THEM6: variants seen among roughly 807,000 people sequenced by gnomAD.
THEM6 encodes protein THEM6.
Under a neutral mutation model 13.7 loss-of-function variants are expected in THEM6, and 10 were observed. That is an observed-to-expected ratio of 0.73 (90% CI 0.45 to 1.24). The LOEUF (loss-of-function observed/expected upper bound fraction) is 1.24, where lower values mean the gene tolerates loss of function less well. THEM6 is among the 50% of genes most tolerant of loss of function. The pLI, the probability that THEM6 is intolerant of heterozygous loss-of-function variation, is 0.00. For missense variants in THEM6, 317 were observed against 312.6 expected (o/e 1.01, Z -0.11); for synonymous variants, 161 against 156.0 (o/e 1.03, Z -0.24).
Position 142,727,556 on chromosome 8 carries a change from C to T in THEM6, c.210C>T (p.Tyr70=). 6.4e-7 allele frequency: 1 copy of T among 1,554,562 alleles called. No individual in the cohort carries two copies. Among genetic ancestry groups the T allele is most frequent in the South Asian group, 1.2e-5 (1 of 85,618 alleles). The stretch of plus-strand genomic sequence containing the variant: ...TGCTGCACATGAACAACGCGCGCTA[C>T]CTGCGCGAGGCCGACTTTGCGCGCG... ...DLLLHMNNAR[Y]LREADFARVA... The change falls in exon 1 of 2, where the codon TAC becomes TAT. Residue 70 remains tyrosine (Y), a synonymous_variant. Transcript: ENST00000336138.
In THEM6 at chr8:142,727,672, G is replaced by A; in HGVS notation, c.326G>A (p.Arg109His). 2 of 1,432,532 alleles carry A rather than the reference G, an allele frequency of 1.4e-6. No individual in the cohort carries two copies. The highest frequency in any genetic ancestry group is 1.8e-6 in the Non-Finnish European group (2 of 1,105,068). 88.7% of individuals were successfully genotyped at this position (1,432,532 alleles called of 1,614,324 possible). ...GCGGCCTCGTGCGCGCGCCACCGCC[G>A]CTCGCTGCGCCTGCTGGAGCCCTTC... Reference protein sequence around the residue: ...VLAASCARHRRSLRLLEPFEV... With the variant: ...VLAASCARHRHSLRLLEPFEV... Residue 109 changes from arginine to histidine, a missense_variant, in exon 1 of 2, where the codon CGC becomes CAC. Coordinates refer to ENST00000336138, the MANE Select transcript of THEM6 (RefSeq NM_016647.3).
intron 1 of THEM6, among the ~76,000 whole-genome samples, chr8:142,731,235 AAT>A (rs1221198251): frequency 6.6e-6 from 1 of 152,218 alleles, no homozygotes; most frequent in Non-Finnish European, 1.5e-5. Context: ...AGCTTTAGCC[AAT>A]ATGTTTACAC....
intron 1 of THEM6, among the ~76,000 whole-genome samples, chr8:142,729,479 T>C (rs782516529): frequency 1.3e-5 from 2 of 152,206 alleles, no homozygotes; most frequent in Non-Finnish European, 2.9e-5. Context: ...TGATACTCTC[T>C]CGATGGCTAA....
At chr8:142,728,104 C>T (rs1815554838) in intron 1 of THEM6, among the ~76,000 whole-genome samples, 1 of 152,200 alleles carries the variant, frequency 6.6e-6, no homozygotes, top group South Asian at 2.1e-4. Context: ...GCTTAGCGTG[C>T]TTCCCTCCTG....
intron 1 of THEM6, among the ~76,000 whole-genome samples, chr8:142,729,557 G>T (rs782447957): frequency 6.6e-6 from 1 of 152,120 alleles, no homozygotes; most frequent in South Asian, 2.1e-4. Context: ...AGAAGCAACC[G>T]GTGTGAGATC....
intron 1 of THEM6, among the ~76,000 whole-genome samples, chr8:142,732,206 ATT>A (rs59397260): frequency 0.03 from 2,871 of 94,474 alleles, 171 homozygotes; most frequent in East Asian, 0.074. Flanking sequence ...ATATATATAT[ATT>A]TTAACTACTG....
At chr8:142,730,325 G>A (rs1431696857) in intron 1 of THEM6, among the ~76,000 whole-genome samples, 6 of 151,908 alleles carry the variant, frequency 3.9e-5, no homozygotes, top group Non-Finnish European at 7.4e-5. Flanking sequence ...CTTTTGATGA[G>A]GACGTGGTTT....
At chr8:142,730,649 A>C (rs1242327516) in intron 1 of THEM6, among the ~76,000 whole-genome samples, 1 of 152,006 alleles carries the variant, frequency 6.6e-6, no homozygotes, top group Non-Finnish European at 1.5e-5. Context: ...GCTAAACACC[A>C]TTTTATATTT....
Position 142,727,225 on chromosome 8 carries a change from T to G in THEM6, c.-122T>G. 1 of 1,070,026 alleles carries G rather than the reference T, an allele frequency of 9.3e-7. No individual in the cohort carries two copies. Among genetic ancestry groups the G allele is most frequent in the Non-Finnish European group, 1.2e-6 (1 of 807,192 alleles). 66.3% of individuals were successfully genotyped at this position (1,070,026 alleles called of 1,614,324 possible). On this transcript the variant is annotated 5_prime_UTR_variant, in exon 1 of 2. Coordinates refer to ENST00000336138, the MANE Select transcript of THEM6 (RefSeq NM_016647.3). ...CCCCTCGGCCGCCCTCGCGCTGTGG[T>G]TCGCTCCGGGCGCGCTGCGCTCGTG...
At chr8:142,730,046 G>A (rs1244332172) in intron 1 of THEM6, among the ~76,000 whole-genome samples, 3 of 152,174 alleles carry the variant, frequency 2.0e-5, no homozygotes, top group African/African-American at 7.2e-5. Flanking sequence ...CATTCAAGGC[G>A]GTGGTCTGAG....
In THEM6 at chr8:142,736,630, T is replaced by C. The variant is rs1815776268; in HGVS notation, c.*1191T>C. On this transcript the variant is annotated 3_prime_UTR_variant, in exon 2 of 2. Coordinates refer to ENST00000336138, the MANE Select transcript of THEM6 (RefSeq NM_016647.3). Reference sequence around the variant, plus strand: ...GGTCCCAGCCTGAGGCTCCAGCTGATGCCCTCAGCTCCCAGAGAGGGGGTG... The same window carrying C: ...GGTCCCAGCCTGAGGCTCCAGCTGACGCCCTCAGCTCCCAGAGAGGGGGTG... The C allele has an allele frequency of 6.6e-6, 1 of 152,322 alleles. No homozygotes were observed. The highest frequency in any genetic ancestry group is 2.1e-4 in the South Asian group (1 of 4,836). The allele number at this position is 152,322 out of a possible 1,614,324, so 9.4% of individuals were successfully genotyped here. A position where few individuals can be genotyped will look rare whatever the true frequency, so the allele number is the denominator to read the frequency against.
Position 142,735,640 on chromosome 8 carries a change from T to C in THEM6, c.*201T>C. The C allele has an allele frequency of 1.7e-6, 1 of 573,040 alleles. No homozygotes were observed. Among genetic ancestry groups the C allele is most frequent in the South Asian group, 2.1e-5 (1 of 48,742 alleles). 35.5% of individuals were successfully genotyped at this position (573,040 alleles called of 1,614,324 possible). ...CGCTAGGCAGAAGGAGGAGTGGCATTGGCATCCTGACCCAGCTCTGCCCTC... is the reference window on the plus strand; with the variant it reads ...CGCTAGGCAGAAGGAGGAGTGGCATCGGCATCCTGACCCAGCTCTGCCCTC... On this transcript the variant is annotated 3_prime_UTR_variant, in exon 2 of 2. Coordinates refer to ENST00000336138, the MANE Select transcript of THEM6 (RefSeq NM_016647.3).
rs1815661874 is a variant in THEM6, at chr8:142,732,183, T to TATGGG, written c.514-3141_514-3140insGGGAT. 2.1e-5 allele frequency among the ~76,000 whole-genome samples: 2 copies of TATGGG among 93,434 alleles called. 1 individual carries two copies. Among genetic ancestry groups the TATGGG allele is most frequent in the Admixed American group, 2.3e-4 (2 of 8,666 alleles). 61.3% of individuals were successfully genotyped at this position (93,434 alleles called of 152,430 possible). A position where few individuals can be genotyped will look rare whatever the true frequency, so the allele number is the denominator to read the frequency against. On this transcript the variant is annotated intron_variant, in intron 1 of 1. Coordinates refer to ENST00000336138, the MANE Select transcript of THEM6 (RefSeq NM_016647.3). Reference sequence around the variant, plus strand: ...TTGAATATATATATATATATATATATATATATATATATATATATATATATT... The same window carrying TATGGG: ...TTGAATATATATATATATATATATATATGGGATATATATATATATATATATATATT...
intron 1 of THEM6, among the ~76,000 whole-genome samples, chr8:142,733,886 G>A (rs1258553624): frequency 1.3e-5 from 2 of 152,192 alleles, no homozygotes; most frequent in African/African-American, 4.8e-5. Flanking sequence ...GGGCTTTCAG[G>A]TCATGGTAGA....
chr8:142,731,590 T>G (rs2129995466), intron 1 of THEM6, among the ~76,000 whole-genome samples: 1 of 152,328 alleles, frequency 6.6e-6, no homozygotes, highest in Non-Finnish European at 1.5e-5. Flanking sequence ...TATGTCTTCC[T>G]TTGATTTCTG....
At chr8:142,733,435 G>T (rs1400557737) in intron 1 of THEM6, among the ~76,000 whole-genome samples, 1 of 152,224 alleles carries the variant, frequency 6.6e-6, no homozygotes, top group Non-Finnish European at 1.5e-5. Context: ...AATTAGATCG[G>T]TAGGAAAGTC....
At chr8:142,730,523 G>A (rs782173874) in intron 1 of THEM6, among the ~76,000 whole-genome samples, 3 of 152,192 alleles carry the variant, frequency 2.0e-5, no homozygotes, top group East Asian at 1.9e-4. Flanking sequence ...GGGACACTGC[G>A]GCCCTGCCTC....
At chr8:142,728,001 C>T (rs1243860802) in intron 1 of THEM6, 142 bp downstream of exon 1, 1 of 900,304 alleles carries the variant, frequency 1.1e-6, no homozygotes, top group Non-Finnish European at 1.5e-6. Flanking sequence ...CCTCTTACCG[C>T]TCCCGCCCCT....
At chr8:142,734,487 G>A (rs949259609) in intron 1 of THEM6, 11 of 152,490 alleles carry the variant, frequency 7.2e-5, no homozygotes, top group East Asian at 5.8e-4. Context: ...TGGAAAGACC[G>A]CGGCTGCAGT....
Sources: gnomAD v4.1 joint callset for allele counts (sites outside exome capture counted in the v4.1 genomes callset) on GRCh38, gnomAD v4.1.1 for gene constraint, MANE v1.5 for transcripts, NCBI Gene and HGNC (gene_info 2026-07-23, HGNC 2026-07-21) for gene names.